Variants in AGO4 observed in about 807,000 individuals in gnomAD.
AGO4 encodes protein argonaute-4.
Under a neutral mutation model 104.7 loss-of-function variants are expected in AGO4, and 33 were observed. That is an observed-to-expected ratio of 0.32 (90% CI 0.24 to 0.42). The LOEUF (loss-of-function observed/expected upper bound fraction) is 0.42, where lower values mean the gene tolerates loss of function less well. AGO4 is among the 10% of genes least tolerant of loss of function. AGO4 has a pLI of 1.00. For missense variants in AGO4, 711 were observed against 1,083.4 expected (o/e 0.66, Z 4.83); for synonymous variants, 331 against 364.7 (o/e 0.91, Z 1.05).
chr1:35,851,779 C>A lies in AGO4; in HGVS notation c.2477+726C>A, dbSNP rs72659701. On this transcript the variant is annotated intron_variant, in intron 17 of 17. Transcript: ENST00000373210. ...AACTGTGGCTTTGTACCTTCCATTC[C>A]GTAATGTGCTTTCATTTATTCGGCA... Among the ~76,000 whole-genome samples, 173 of 152,196 alleles carry A rather than the reference C, an allele frequency of 1.1e-3. 1 individual carries two copies. The highest frequency in any genetic ancestry group is 4.1e-3 in the African/African-American group (172 of 41,510).
chr1:35,823,895 T>A (rs1303146215), intron 3 of AGO4, among the ~76,000 whole-genome samples: 3 of 152,164 alleles, frequency 2.0e-5, no homozygotes, highest in Non-Finnish European at 2.9e-5. Flanking sequence ...AGTTGTTTTT[T>A]ATAGTGATGA....
chr1:35,850,827 A>AAT (rs1553150012), intron 16 of AGO4, 27 bp from the exon 17 acceptor site: 2 of 1,544,668 alleles, frequency 1.3e-6, no homozygotes, highest in African/African-American at 1.4e-5. Context: ...CAAAAAAAAA[A>AAT]CATTAATCAT....
intron 1 of AGO4, among the ~76,000 whole-genome samples, chr1:35,813,582 C>T (rs187175037): frequency 8.0e-4 from 120 of 149,500 alleles, no homozygotes; most frequent in African/African-American, 2.9e-3. Context: ...CATGGCAAAA[C>T]CCCAAACCTC....
At chr1:35,820,583 C>T (rs149008949) in intron 2 of AGO4, among the ~76,000 whole-genome samples, 7 of 152,196 alleles carry the variant, frequency 4.6e-5, no homozygotes, top group Non-Finnish European at 8.8e-5. Context: ...TCTCAAACTC[C>T]TGACCTCAAG....
intron 2 of AGO4, among the ~76,000 whole-genome samples, chr1:35,818,191 T>C (rs1286066833): frequency 6.6e-6 from 1 of 152,180 alleles, no homozygotes; most frequent in Non-Finnish European, 1.5e-5. Context: ...CATATGTAGA[T>C]ATACACACAC....
intron 10 of AGO4, 37 bp from the exon 11 acceptor site, chr1:35,832,397 TTTC>T (rs761785153): frequency 2.8e-4 from 426 of 1,522,256 alleles, no homozygotes; most frequent in East Asian, 5.5e-4. Context: ...TTTTCTTTTG[TTTC>T]TTCTTCTTCT....
chr1:35,856,347 AC>A lies in AGO4; in HGVS notation c.*2747del, dbSNP rs1026037839. ...TTCGGCTTGACAATTTGAATAGGTA[AC>A]CCCCTCGGGACTGACTGAATCGTTA... On this transcript the variant is annotated 3_prime_UTR_variant, in exon 18 of 18. Transcript: ENST00000373210. The A allele has an allele frequency of 6.6e-5, 10 of 152,074 alleles. No individual in the cohort carries two copies. Among genetic ancestry groups the A allele is most frequent in the African/African-American group, 2.4e-4 (10 of 41,484 alleles). 9.4% of individuals were successfully genotyped at this position (152,074 alleles called of 1,614,324 possible). A position where few individuals can be genotyped will look rare whatever the true frequency, so the allele number is the denominator to read the frequency against.
intron 2 of AGO4, among the ~76,000 whole-genome samples, chr1:35,818,860 A>T (rs1243299766): frequency 6.6e-6 from 1 of 152,158 alleles, no homozygotes; most frequent in Non-Finnish European, 1.5e-5. Flanking sequence ...TGAGTTTTAA[A>T]TACTAAACCC....
chr1:35,817,408 G>C (rs893058494), intron 2 of AGO4, among the ~76,000 whole-genome samples: 2 of 142,998 alleles, frequency 1.4e-5, no homozygotes, highest in Non-Finnish European at 3.1e-5. Context: ...ACATGAGAAA[G>C]ATGTATATAT....
intron 13 of AGO4, among the ~76,000 whole-genome samples, chr1:35,839,801 T>C (rs1311250859): frequency 6.6e-6 from 1 of 151,860 alleles, no homozygotes; most frequent in Non-Finnish European, 1.5e-5. Flanking sequence ...TAAATTACAC[T>C]TGAAGAATTA....
At chr1:35,821,459 A>T (rs1643884098) in intron 2 of AGO4, among the ~76,000 whole-genome samples, 2 of 152,090 alleles carry the variant, frequency 1.3e-5, no homozygotes, top group Admixed American at 1.3e-4. Context: ...CTTTTCATTG[A>T]CTCTAGCATT....
chr1:35,814,055 ACAGTGTGAGACTC>A (rs549618828), intron 1 of AGO4, among the ~76,000 whole-genome samples: 157 of 151,192 alleles, frequency 1.0e-3, no homozygotes, highest in South Asian at 6.1e-3. Flanking sequence ...AGCCTGGGCA[ACAGTGTGAGACTC>A]CATCTCAAAA....
intron 1 of AGO4, among the ~76,000 whole-genome samples, chr1:35,814,185 T>A (rs762810226): frequency 5.3e-5 from 8 of 151,978 alleles, no homozygotes; most frequent in Non-Finnish European, 8.8e-5. Flanking sequence ...AAGATAATTA[T>A]GATTTTTGTG....
In AGO4 at chr1:35,831,819, A is replaced by G. The variant is rs775581291; in HGVS notation, c.1004A>G (p.Asn335Ser). The part of the protein sequence containing the change: ...KHTYLPLEVC[N>S]IVAGQRCIKK... ...CTCTTTGTCTCTTGGCAGGTCTGTA[A>G]TATAGTGGCAGGACAGCGATGTATC... The change falls in exon 9 of 18, where the codon AAT becomes AGT. Residue 335 changes from asparagine (N) to serine (S), a missense_variant. Asn to Ser is a conservative substitution (Grantham distance 46). Coordinates refer to ENST00000373210, the MANE Select transcript of AGO4 (RefSeq NM_017629.4). The G allele has an allele frequency of 3.1e-6, 5 of 1,613,978 alleles. No homozygotes were observed. Among genetic ancestry groups the G allele is most frequent in the African/African-American group, 1.3e-5 (1 of 74,922 alleles).
rs927594923 is a variant in AGO4 at position 35,808,030 on chromosome 1, C to T, written c.-387C>T. Reference sequence around the variant, plus strand: ...GGCGCGCGCTCGTTCCCCGACCCGCCTCGCCGCCTGCCGGGCTCTGTGGAC... The same window carrying T: ...GGCGCGCGCTCGTTCCCCGACCCGCTTCGCCGCCTGCCGGGCTCTGTGGAC... On this transcript the variant is annotated 5_prime_UTR_variant, in exon 1 of 18. Transcript: ENST00000373210. This position sits in a 1 kb window ranked among gnomAD's most constrained non-coding sequence, Gnocchi z 5.2. 1.3e-5 allele frequency: 2 copies of T among 150,462 alleles called. No individual in the cohort carries two copies. The highest frequency in any genetic ancestry group is 4.9e-5 in the African/African-American group (2 of 41,234). 9.3% of individuals were successfully genotyped at this position (150,462 alleles called of 1,614,324 possible). A position where few individuals can be genotyped will look rare whatever the true frequency, so the allele number is the denominator to read the frequency against.
intron 2 of AGO4, among the ~76,000 whole-genome samples, chr1:35,821,649 T>C (rs1643888472): frequency 6.6e-6 from 1 of 152,224 alleles, no homozygotes; most frequent in Non-Finnish European, 1.5e-5. Context: ...AAAGAAGCTA[T>C]ATTAATAATC....
chr1:35,847,849 ATT>A (rs1644608829), intron 15 of AGO4, among the ~76,000 whole-genome samples: 2 of 151,992 alleles, frequency 1.3e-5, no homozygotes, highest in African/African-American at 4.8e-5. Context: ...TAAAATTTAT[ATT>A]TTTATTTATT....
At chr1:35,851,076 A>G in intron 17 of AGO4, 23 bp downstream of exon 17, 3 of 1,578,170 alleles carry the variant, frequency 1.9e-6, no homozygotes, top group Non-Finnish European at 2.6e-6. Context: ...GGCACAATAA[A>G]GTCTCTTTAT....
intron 1 of AGO4, among the ~76,000 whole-genome samples, chr1:35,815,279 A>T (rs1430420064): frequency 1.3e-5 from 2 of 152,142 alleles, no homozygotes; most frequent in Admixed American, 6.6e-5. Flanking sequence ...TTCCATTGTA[A>T]CCACAGCCCA....
Sources: gnomAD v4.1 joint callset for allele counts (sites outside exome capture counted in the v4.1 genomes callset) on GRCh38, gnomAD v4.1.1 for gene constraint, Gnocchi (gnomAD v3.1) non-coding constraint, MANE v1.5 for transcripts, NCBI Gene and HGNC (gene_info 2026-07-23, HGNC 2026-07-21) for gene names.